The following ABCC4 variants were observed in gnomAD, a reference collection of about 807,000 sequenced individuals.
ABCC4 encodes the protein ATP binding cassette subfamily C member 4 (PEL blood group).
A neutral mutation model predicts 168.5 loss-of-function variants in ABCC4; 102 were observed. The observed-to-expected ratio is 0.61, with a 90% CI of 0.52 to 0.71. ABCC4 has a LOEUF of 0.71. ABCC4 is among the 30% of genes least tolerant of loss of function. The pLI, the probability that ABCC4 is intolerant of heterozygous loss-of-function variation, is 0.00. For synonymous variants in ABCC4, 617 were observed against 590.7 expected, an observed-to-expected ratio of 1.04 and a Z score of -0.65; for missense variants, 1,402 against 1,605.8, an observed-to-expected ratio of 0.87 and a Z score of 2.17.
intron 1 of ABCC4, among the ~76,000 whole-genome samples, chr13:95,263,105 G>A (rs2040577309): frequency 6.6e-6 from 1 of 152,080 alleles, no homozygotes. Flanking sequence ...GCGCAAGGCG[G>A]GTGTAATGTG....
intron 19 of ABCC4, among the ~76,000 whole-genome samples, chr13:95,124,403 C>T (rs1307033212): frequency 3.3e-5 from 5 of 151,820 alleles, no homozygotes; most frequent in Non-Finnish European, 7.4e-5. Flanking sequence ...AGATGTCATC[C>T]CACTGCTGCC....
Position 95,044,286 on chromosome 13 carries a change from C to A in ABCC4, c.3609G>T (p.Ala1203=). The part of the protein sequence containing the change: ...RKNQILIIDE[A]TANVDPRTDE... ...TATACCTTGGATCCACATTTGCCGTCGCTTCATCAATAATCAATATCTGAT... is the reference window on the plus strand; with the variant it reads ...TATACCTTGGATCCACATTTGCCGTAGCTTCATCAATAATCAATATCTGAT... The change falls in exon 28 of 31, where the codon GCG becomes GCT. Residue 1203 remains alanine, a synonymous_variant. Coordinates refer to ENST00000645237, the MANE Select transcript of ABCC4 (RefSeq NM_005845.5). 6.2e-7 allele frequency: 1 copy of A among 1,612,274 alleles called. No homozygotes were observed. The highest frequency in any genetic ancestry group is 8.5e-7 in the Non-Finnish European group (1 of 1,179,246).
At chr13:95,297,018 C>T (rs951905883) in intron 1 of ABCC4, among the ~76,000 whole-genome samples, 2 of 152,124 alleles carry the variant, frequency 1.3e-5, no homozygotes, top group African/African-American at 4.8e-5. Context: ...CACCTGTAAT[C>T]CCAGCACTTT....
rs751646795 is a variant in ABCC4 at position 95,164,482 on chromosome 13, G to A, written c.2071C>T (p.Arg691Cys). The A allele has an allele frequency of 5.6e-6, 9 of 1,613,998 alleles. No homozygotes were observed. The highest frequency in any genetic ancestry group is 3.3e-5 in the Admixed American group (2 of 60,002). ...TGAAAACCAACTTTTCCTTCAGAACGGTTCTCCTCTGATAGTGTAACTGGG... is the reference window on the plus strand; with the variant it reads ...TGAAAACCAACTTTTCCTTCAGAACAGTTCTCCTCTGATAGTGTAACTGGG... The part of the protein sequence containing the change: ...NVPVTLSEEN[R>C]SEGKVGFQAY... Residue 691 changes from arginine (R) to cysteine (C), a missense_variant, in exon 16 of 31, where the codon CGT (arginine) becomes TGT (cysteine). This residue lies in a region of ABCC4 where 1,007 missense variants were observed against 1,127.3 expected (regional missense o/e 0.89). Transcript: ENST00000645237.
intron 19 of ABCC4, among the ~76,000 whole-genome samples, chr13:95,152,497 A>G (rs958609081): frequency 6.6e-6 from 1 of 152,188 alleles, no homozygotes. Context: ...GACAAGGGGA[A>G]AACAAGGCAA....
At chr13:95,086,878 A>G (rs924751100) in intron 20 of ABCC4, among the ~76,000 whole-genome samples, 2 of 152,196 alleles carry the variant, frequency 1.3e-5, no homozygotes, top group Admixed American at 6.5e-5. Flanking sequence ...TGGTATTAAA[A>G]CATAAAATCA....
At chr13:95,090,908 T>A (rs780656349) in intron 20 of ABCC4, among the ~76,000 whole-genome samples, 10 of 151,696 alleles carry the variant, frequency 6.6e-5, no homozygotes, top group Non-Finnish European at 1.2e-4. Flanking sequence ...GGAGAAATAG[T>A]CAAAGAAACA....
intron 1 of ABCC4, among the ~76,000 whole-genome samples, chr13:95,294,085 T>C (rs1475478916): frequency 1.3e-5 from 2 of 152,058 alleles, no homozygotes; most frequent in Non-Finnish European, 1.5e-5. Flanking sequence ...TGATTCTCAA[T>C]GGCTTAATTC....
chr13:95,268,217 G>C (rs2040735883), intron 1 of ABCC4, among the ~76,000 whole-genome samples: 1 of 152,200 alleles, frequency 6.6e-6, no homozygotes, highest in African/African-American at 2.4e-5. Flanking sequence ...TTAAGGCTAT[G>C]CAGGATGTGC....
At chr13:95,045,869 G>A (rs1018470732) in intron 27 of ABCC4, among the ~76,000 whole-genome samples, 3 of 152,122 alleles carry the variant, frequency 2.0e-5, no homozygotes, top group East Asian at 1.9e-4. Flanking sequence ...CCTTAAACAC[G>A]GAAGCACACT....
rs1274355834 is a variant in ABCC4, at chr13:95,075,355, C to T, written c.2806+77G>A. 2.5e-6 allele frequency: 4 copies of T among 1,585,450 alleles called. No individual in the cohort carries two copies. In the Admixed American group the frequency reaches 5.3e-5, roughly 21 times the overall value. ...GGGCCCTGAGGTGCCTGCCAACAAG[C>T]TCATCTGACCAGGGAGGTTAAGCCA... On this transcript the variant is annotated intron_variant, in intron 22 of 30. Transcript: ENST00000645237.
intron 8 of ABCC4, among the ~76,000 whole-genome samples, chr13:95,206,311 G>A (rs1194769165): frequency 6.6e-6 from 1 of 152,184 alleles, no homozygotes; most frequent in East Asian, 1.9e-4. Flanking sequence ...CTGTGCCACT[G>A]CTGTTTATGT....
intron 1 of ABCC4, among the ~76,000 whole-genome samples, chr13:95,278,041 C>T (rs2041014406): frequency 6.6e-6 from 1 of 152,188 alleles, no homozygotes; most frequent in African/African-American, 2.4e-5. Context: ...AGTCTGACCC[C>T]CTACCCCACC....
chr13:95,199,247 T>C (rs1016521363), intron 8 of ABCC4, among the ~76,000 whole-genome samples: 2 of 152,216 alleles, frequency 1.3e-5, no homozygotes, highest in Admixed American at 6.5e-5. Flanking sequence ...TTCCGATCAG[T>C]ATATTGGGCA....
intron 27 of ABCC4, among the ~76,000 whole-genome samples, chr13:95,046,716 T>A (rs1309291486): frequency 6.6e-6 from 1 of 151,794 alleles, no homozygotes; most frequent in Non-Finnish European, 1.5e-5. Context: ...TAAGCCAAGA[T>A]CGCGCCACTG....
At position 95,247,867 on chromosome 13, in the gene ABCC4, TAGAC is replaced by T. The variant is rs1192112819; in HGVS notation, c.75-118_75-115del. On this transcript the variant is annotated intron_variant, in intron 1 of 30. Transcript: ENST00000645237. ...CCTTTAAAATACATACAGCTATATA[TAGAC>T]AGACAGATATGAATATATAGAGCTA... The T allele has an allele frequency of 1.0e-5, 7 of 694,574 alleles. No homozygotes were observed. In the Admixed American group the frequency reaches 1.5e-4, roughly 15 times the overall value. The allele number at this position is 694,574 out of a possible 1,614,324, so 43.0% of individuals were successfully genotyped here. A position where few individuals can be genotyped will look rare whatever the true frequency, so the allele number is the denominator to read the frequency against.
At position 95,058,594 on chromosome 13, in the gene ABCC4, A is replaced by AAAAAAAAAAG. The variant is rs2033163283; in HGVS notation, c.3366+4109_3366+4110insCTTTTTTTTT. On this transcript the variant is annotated intron_variant, in intron 26 of 30. Coordinates refer to ENST00000645237, the MANE Select transcript of ABCC4 (RefSeq NM_005845.5). ...AAAAAAAAAAAAAAAAAAAAAAAAG[A>AAAAAAAAAAG]AAAGAAAAAGAAAAAGAAAAGAAAA... Among the ~76,000 whole-genome samples the AAAAAAAAAAG allele has an allele frequency of 2.1e-3, 85 of 41,360 alleles. 1 individual carries two copies. Among genetic ancestry groups the AAAAAAAAAAG allele is most frequent in the Non-Finnish European group, 2.6e-3 (60 of 23,212 alleles). The allele number at this position is 41,360 out of a possible 152,430, so 27.1% of individuals were successfully genotyped here.
chr13:95,178,013 G>A lies in ABCC4; in HGVS notation c.1624C>T (p.Arg542Trp), dbSNP rs767916913. 8.1e-6 allele frequency: 13 copies of A among 1,614,020 alleles called. No individual in the cohort carries two copies. Among genetic ancestry groups the A allele is most frequent in the East Asian group, 4.5e-5 (2 of 44,890 alleles). ...GCAACTTACCTTGCAAGGTTTACCCGTGCTTTCTGCCCTCCACTCAGCGTG... is the reference window on the plus strand; with the variant it reads ...GCAACTTACCTTGCAAGGTTTACCCATGCTTTCTGCCCTCCACTCAGCGTG... ...GTTLSGGQKARVNLARAVYQD... is the reference protein window; with the variant it reads ...GTTLSGGQKAWVNLARAVYQD... The change falls in exon 12 of 31, where the codon CGG (arginine) becomes TGG (tryptophan). Residue 542 changes from arginine to tryptophan, a missense_variant. Coordinates refer to ENST00000645237, the MANE Select transcript of ABCC4 (RefSeq NM_005845.5).
intron 19 of ABCC4, among the ~76,000 whole-genome samples, chr13:95,123,334 T>C (rs1413864728): frequency 6.6e-6 from 1 of 152,194 alleles, no homozygotes; most frequent in Admixed American, 6.5e-5. Flanking sequence ...GACTTAAAAT[T>C]GATGCTTGTT....
Sources: allele counts gnomAD v4.1 joint callset (sites outside exome capture counted in the v4.1 genomes callset), GRCh38; gene constraint gnomAD v4.1.1; regional missense constraint gnomAD v4.1.1; transcripts MANE v1.5; gene names NCBI Gene and HGNC (gene_info 2026-07-23, HGNC 2026-07-21).